The following USP34 variants were observed in gnomAD, a reference collection of about 807,000 sequenced individuals.
The protein encoded by USP34 is ubiquitin specific peptidase 34.
Under a neutral mutation model 460.3 loss-of-function variants are expected in USP34, and 70 were observed. The observed-to-expected ratio is 0.15, with a 90% CI of 0.13 to 0.19. The LOEUF is 0.19. Ranked by LOEUF, USP34 falls within the 10% of genes least tolerant of loss-of-function variation. The pLI, the probability that USP34 is intolerant of heterozygous loss-of-function variation, is 1.00. For missense variants in USP34, 3,985 were observed against 4,236.2 expected, an observed-to-expected ratio of 0.94 and a Z score of 1.65; for synonymous variants, 1,647 against 1,405.3, an observed-to-expected ratio of 1.17 and a Z score of -3.85.
chr2:61,344,223 A>T (rs1691692120), intron 15 of USP34, among the ~76,000 whole-genome samples, 194 bp from the exon 16 acceptor site: 1 of 152,228 alleles, frequency 6.6e-6, no homozygotes, highest in African/African-American at 2.4e-5. Context: ...TAATTTTACA[A>T]TATACAGTCA....
chr2:61,380,300 A>C lies in USP34; in HGVS notation c.883T>G (p.Leu295Val). 1 of 1,614,180 alleles carries C rather than the reference A, an allele frequency of 6.2e-7. No individual in the cohort carries two copies. The highest frequency in any genetic ancestry group is 8.5e-7 in the Non-Finnish European group (1 of 1,180,006). ...GGTTCTTTGACTGTGCTCCACATTA[A>C]GTCAGCCATGTTACGAGCTGCACTC... ...RQSAARNMAD[L>V]MWSTVKEPLD... Residue 295 changes from leucine (L) to valine (V), a missense_variant, in exon 7 of 80, where the codon TTA (leucine) becomes GTA (valine). Leu to Val is a conservative substitution (Grantham distance 32). This residue lies in a region of USP34 where 70 missense variants were observed against 109.5 expected (regional missense o/e 0.64). Coordinates refer to ENST00000398571, the MANE Select transcript of USP34 (RefSeq NM_014709.4).
At chr2:61,419,031 T>A (rs779645889) in intron 2 of USP34, among the ~76,000 whole-genome samples, 1 of 152,224 alleles carries the variant, frequency 6.6e-6, no homozygotes, top group Non-Finnish European at 1.5e-5. Flanking sequence ...GCACTTTGTT[T>A]TCTTACAATC....
rs764058928 is a variant in USP34, at chr2:61,192,965, T to C, written c.9524A>G (p.Tyr3175Cys). The stretch of plus-strand genomic sequence containing the variant: ...TGCAAGATGAAGTGGCAAACCTTCA[T>C]AGGCAACTAGGACACCTAATATTTG... ...TLVKLSVLVA[Y>C]EGLPLHLALF... is the part of the protein sequence containing the mutation. The change falls in exon 76 of 80, where the codon TAT (tyrosine) becomes TGT (cysteine). Residue 3175 changes from tyrosine (Y) to cysteine (C), a missense_variant. Physicochemically the swap from Tyr to Cys is radical, Grantham distance 194. Coordinates refer to ENST00000398571, the MANE Select transcript of USP34 (RefSeq NM_014709.4). 15 of 1,613,636 alleles carry C rather than the reference T, an allele frequency of 9.3e-6. No individual in the cohort carries two copies. The highest frequency in any genetic ancestry group is 5.0e-5 in the Admixed American group (3 of 59,976).
chr2:61,296,509 A>C (rs1690035326), intron 30 of USP34, among the ~76,000 whole-genome samples: 1 of 152,216 alleles, frequency 6.6e-6, no homozygotes. Flanking sequence ...AAGAACAAAA[A>C]ACAATATTAA....
At chr2:61,449,514 A>C (rs551913345) in intron 1 of USP34, among the ~76,000 whole-genome samples, 147 of 152,048 alleles carry the variant, frequency 9.7e-4, no homozygotes, top group African/African-American at 1.6e-3. Context: ...ATTTTGAAAA[A>C]AAAAACAAAA....
intron 74 of USP34, 103 bp downstream of exon 74, chr2:61,204,153 C>G (rs953986186): frequency 5.5e-6 from 8 of 1,460,338 alleles, no homozygotes; most frequent in Non-Finnish European, 6.5e-6. Context: ...TTAGGATCCA[C>G]AAAATTGGTC....
At chr2:61,297,159 T>C (rs1048343531) in intron 29 of USP34, among the ~76,000 whole-genome samples, 2 of 152,258 alleles carry the variant, frequency 1.3e-5, no homozygotes, top group African/African-American at 4.8e-5. Flanking sequence ...CCTCTAAGAC[T>C]GATCATGTTC....
intron 1 of USP34, among the ~76,000 whole-genome samples, chr2:61,434,043 C>G (rs971571159): frequency 6.6e-6 from 1 of 152,134 alleles, no homozygotes; most frequent in Admixed American, 6.5e-5. Context: ...TGCCCATAAG[C>G]CAACCAAGCC....
intron 27 of USP34, among the ~76,000 whole-genome samples, chr2:61,302,345 T>TA (rs1442300511): frequency 6.6e-6 from 1 of 152,180 alleles, no homozygotes; most frequent in African/African-American, 2.4e-5. Flanking sequence ...CTTCACATAA[T>TA]AAAAAAGGTT....
intron 12 of USP34, among the ~76,000 whole-genome samples, chr2:61,350,029 T>C (rs1471927121): frequency 6.6e-6 from 1 of 151,934 alleles, no homozygotes; most frequent in Non-Finnish European, 1.5e-5. Context: ...AAAAAAAAGA[T>C]AACCAAAGCT....
intron 44 of USP34, among the ~76,000 whole-genome samples, chr2:61,258,124 C>A (rs1558495265): frequency 6.6e-6 from 1 of 152,020 alleles, no homozygotes; most frequent in Non-Finnish European, 1.5e-5. Context: ...GAGGGTACGG[C>A]GAGTTGATTG....
intron 35 of USP34, 101 bp downstream of exon 35, chr2:61,284,774 C>T: frequency 1.1e-6 from 1 of 882,512 alleles, no homozygotes; most frequent in Non-Finnish European, 1.6e-6. Context: ...CATAATATCC[C>T]CCAAATTTTT....
intron 8 of USP34, among the ~76,000 whole-genome samples, chr2:61,376,694 T>A (rs187263209): frequency 6.6e-6 from 1 of 151,906 alleles, no homozygotes; most frequent in East Asian, 1.9e-4. Context: ...GTCGCCCAGG[T>A]TGGAGTGAAA....
chr2:61,331,210 G>T (rs1691251508), intron 20 of USP34, 66 bp downstream of exon 20: 1 of 1,370,848 alleles, frequency 7.3e-7, no homozygotes, highest in South Asian at 1.4e-5. Flanking sequence ...TTAAAACACT[G>T]GAAAATCATC....
intron 66 of USP34, 43 bp from the exon 67 acceptor site, chr2:61,220,500 T>C: frequency 6.5e-7 from 1 of 1,530,804 alleles, no homozygotes; most frequent in Non-Finnish European, 8.8e-7. Flanking sequence ...GCCAACTGAA[T>C]GAGCAATTAC....
At chr2:61,356,485 A>G (rs757156982) in intron 10 of USP34, among the ~76,000 whole-genome samples, 4,330 of 127,532 alleles carry the variant, frequency 0.034, 91 homozygotes, top group Non-Finnish European at 0.051. Context: ...GCACACACAC[A>G]CACACACACA....
chr2:61,447,006 G>C (rs1695138678), intron 1 of USP34, among the ~76,000 whole-genome samples: 1 of 152,058 alleles, frequency 6.6e-6, no homozygotes, highest in Admixed American at 6.6e-5. Context: ...TGTAATCCCA[G>C]CATTTTGGGA....
chr2:61,230,259 G>C (rs1015469502), intron 58 of USP34, among the ~76,000 whole-genome samples: 1 of 152,224 alleles, frequency 6.6e-6, no homozygotes, highest in Non-Finnish European at 1.5e-5. Context: ...GCTGGGTGCA[G>C]TGGCTCAAGC....
At chr2:61,322,302 A>C (rs1690949929) in intron 21 of USP34, among the ~76,000 whole-genome samples, 1 of 152,182 alleles carries the variant, frequency 6.6e-6, no homozygotes, top group African/African-American at 2.4e-5. Flanking sequence ...GAAACTGCCT[A>C]AAACAGACAA....
Sources: allele counts gnomAD v4.1 joint callset (sites outside exome capture counted in the v4.1 genomes callset), GRCh38; gene constraint gnomAD v4.1.1; regional missense constraint gnomAD v4.1.1; transcripts MANE v1.5; gene names NCBI Gene and HGNC (gene_info 2026-07-23, HGNC 2026-07-21).